HMGCLL1: variants seen among roughly 807,000 people sequenced by gnomAD.
The protein encoded by HMGCLL1 is 3-hydroxy-3-methylglutaryl-CoA lyase like 1.
A neutral mutation model predicts 39.1 loss-of-function variants in HMGCLL1; 36 were observed. That is an observed-to-expected ratio of 0.92 (90% CI 0.71 to 1.22). HMGCLL1 has a LOEUF of 1.22. Among genes scored for constraint, HMGCLL1 ranks in the 50% most tolerant of loss-of-function variants. The probability of loss-of-function intolerance (pLI) is 0.00; values close to 1 mark genes in which losing one functional copy is unlikely to be tolerated. For synonymous variants in HMGCLL1, 149 were observed against 144.0 expected, an observed-to-expected ratio of 1.03 and a Z score of -0.25; for missense variants, 451 against 416.5, an observed-to-expected ratio of 1.08 and a Z score of -0.72.
At chr6:55,635,838 T>C in the HMGCLL1 span, among the ~76,000 whole-genome samples, 1 of 152,220 alleles carries the variant, frequency 6.6e-6, no homozygotes. Context: ...ATAGTGACAT[T>C]GAATAAAAAA....
At chr6:55,566,542 C>T in intron 1 of HMGCLL1, 1 of 452,968 alleles carries the variant, frequency 2.2e-6, no homozygotes, top group Middle Eastern at 3.3e-4. Context: ...GAATCCTAAA[C>T]CGGAGACCAT....
chr6:55,493,031 TA>T (rs1218580755), intron 7 of HMGCLL1, among the ~76,000 whole-genome samples: 2 of 150,648 alleles, frequency 1.3e-5, no homozygotes, highest in East Asian at 3.9e-4. Context: ...ATATGTTCCT[TA>T]AAAAATATAT....
chr6:55,474,267 C>A (rs572732842), intron 7 of HMGCLL1, among the ~76,000 whole-genome samples: 1 of 151,554 alleles, frequency 6.6e-6, no homozygotes, highest in East Asian at 1.9e-4. Context: ...TCTACAGAGC[C>A]TTTTAAAATC....
At chr6:55,638,027 T>C in the HMGCLL1 span, among the ~76,000 whole-genome samples, 4 of 152,008 alleles carry the variant, frequency 2.6e-5, no homozygotes, top group African/African-American at 9.7e-5. Context: ...GACCCTAGAA[T>C]TTGATGCTAT....
chr6:55,563,300 CA>C (rs1183109275), intron 1 of HMGCLL1, among the ~76,000 whole-genome samples: 1 of 151,892 alleles, frequency 6.6e-6, no homozygotes, highest in Non-Finnish European at 1.5e-5. Flanking sequence ...GAATTAAAGC[CA>C]AAATGTAAAA....
At chr6:55,560,235 G>A (rs151116172) in intron 1 of HMGCLL1, among the ~76,000 whole-genome samples, 14 of 152,196 alleles carry the variant, frequency 9.2e-5, no homozygotes, top group African/African-American at 2.2e-4. Flanking sequence ...AAAGGCCAGC[G>A]TTTTCTTAGG....
At chr6:55,624,085 C>T in the HMGCLL1 span, among the ~76,000 whole-genome samples, 2 of 152,100 alleles carry the variant, frequency 1.3e-5, no homozygotes, top group African/African-American at 4.8e-5. Context: ...TTTCCTTTTC[C>T]CCAGTGCATG....
At chr6:55,627,895 A>ATAT in the HMGCLL1 span, among the ~76,000 whole-genome samples, 1 of 33,612 alleles carries the variant, frequency 3.0e-5, no homozygotes, top group Non-Finnish European at 4.8e-5. Context: ...ATATATATAT[A>ATAT]TATAGTATAT....
At chr6:55,526,017 T>C (rs1389977359) in intron 3 of HMGCLL1, among the ~76,000 whole-genome samples, 1 of 151,886 alleles carries the variant, frequency 6.6e-6, no homozygotes, top group Non-Finnish European at 1.5e-5. Context: ...ATGACCAATA[T>C]ACAACCAAGG....
intron 1 of HMGCLL1, among the ~76,000 whole-genome samples, chr6:55,577,791 T>C (rs1771832626): frequency 6.6e-6 from 1 of 152,138 alleles, no homozygotes; most frequent in Non-Finnish European, 1.5e-5. Flanking sequence ...AAGGTCAAAA[T>C]AGAAGGTAGG....
At chr6:55,626,460 C>T in the HMGCLL1 span, among the ~76,000 whole-genome samples, 2 of 151,988 alleles carry the variant, frequency 1.3e-5, no homozygotes, top group Non-Finnish European at 2.9e-5. Context: ...TTTGAAGTCG[C>T]AATTATAATG....
At chr6:55,620,906 T>C in the HMGCLL1 span, among the ~76,000 whole-genome samples, 1 of 152,154 alleles carries the variant, frequency 6.6e-6, no homozygotes, top group Non-Finnish European at 1.5e-5. Context: ...TTGTTCTTGA[T>C]ACCTTTGCTG....
intron 5 of HMGCLL1, among the ~76,000 whole-genome samples, chr6:55,499,784 G>A (rs1766779308): frequency 6.6e-6 from 1 of 151,916 alleles, no homozygotes; most frequent in Admixed American, 6.6e-5. Context: ...TCTTGGAACT[G>A]GGCATAGCCT....
chr6:55,472,890 A>T (rs1343784320), intron 7 of HMGCLL1, among the ~76,000 whole-genome samples: 2 of 151,392 alleles, frequency 1.3e-5, no homozygotes, highest in African/African-American at 4.8e-5. Context: ...CCTATTTCTT[A>T]TTTCCATTTT....
intron 3 of HMGCLL1, among the ~76,000 whole-genome samples, chr6:55,530,285 T>A (rs937552915): frequency 1.4e-4 from 21 of 152,120 alleles, no homozygotes; most frequent in African/African-American, 4.8e-4. Flanking sequence ...TTCAACAGGT[T>A]GATATTTCAA....
intron 7 of HMGCLL1, among the ~76,000 whole-genome samples, chr6:55,440,419 A>G (rs984710229): frequency 2.6e-5 from 4 of 152,162 alleles, no homozygotes; most frequent in African/African-American, 4.8e-5. Context: ...GAGATTTGGT[A>G]CATGATTATG....
intron 3 of HMGCLL1, among the ~76,000 whole-genome samples, chr6:55,523,073 T>G (rs1489707534): frequency 6.6e-6 from 1 of 151,960 alleles, no homozygotes; most frequent in Non-Finnish European, 1.5e-5. Flanking sequence ...GGACTCTATA[T>G]TTTGTACCCT....
the HMGCLL1 span, among the ~76,000 whole-genome samples, chr6:55,592,911 GC>G: frequency 6.6e-6 from 1 of 152,002 alleles, no homozygotes; most frequent in Non-Finnish European, 1.5e-5. Flanking sequence ...GGACATCAGA[GC>G]CCCCTTTTTA....
chr6:55,583,819 G>C (rs1772024964), upstream of HMGCLL1, among the ~76,000 whole-genome samples: 1 of 152,068 alleles, frequency 6.6e-6, no homozygotes, highest in Admixed American at 6.5e-5. Flanking sequence ...GCTGAGATTT[G>C]TTTTTGTTAA....
Sources: allele counts gnomAD v4.1 joint callset (sites outside exome capture counted in the v4.1 genomes callset), GRCh38; gene constraint gnomAD v4.1.1; transcripts MANE v1.5; gene names NCBI Gene and HGNC (gene_info 2026-07-23, HGNC 2026-07-21).